Variants in PRP4K observed in about 807,000 individuals in gnomAD.
PRP4K encodes serine/threonine-protein kinase PRP4 homolog.
At chr6:4,032,307 A>G in the PRP4K span, 1 of 1,613,674 alleles carries the variant, frequency 6.2e-7, no homozygotes, top group Non-Finnish European at 8.5e-7. Flanking sequence ...TGATAAGGTT[A>G]AAATTGAAGA....
At chr6:4,026,393 C>T in the PRP4K span, among the ~76,000 whole-genome samples, 1 of 150,928 alleles carries the variant, frequency 6.6e-6, no homozygotes, top group Non-Finnish European at 1.5e-5. Flanking sequence ...GCCTTCGCCT[C>T]CCAGGTTCAA....
At chr6:4,059,709 G>A in the PRP4K span, among the ~76,000 whole-genome samples, 2 of 151,892 alleles carry the variant, frequency 1.3e-5, no homozygotes, top group Admixed American at 6.6e-5. Context: ...GCAATGGCAC[G>A]ATCTTGGCTC....
the PRP4K span, chr6:4,063,458 T>C: frequency 2.6e-5 from 4 of 152,182 alleles, no homozygotes; most frequent in East Asian, 7.7e-4. Context: ...AAAGTAGTCT[T>C]CAGCTTTAGG....
chr6:4,022,687 A>G, the PRP4K span, among the ~76,000 whole-genome samples: 1 of 152,206 alleles, frequency 6.6e-6, no homozygotes, highest in South Asian at 2.1e-4. Flanking sequence ...GGGCTTTTCA[A>G]AACTGCTGTA....
At chr6:4,048,754 T>C in the PRP4K span, among the ~76,000 whole-genome samples, 1 of 151,904 alleles carries the variant, frequency 6.6e-6, no homozygotes, top group Non-Finnish European at 1.5e-5. Flanking sequence ...TTTTTTAATT[T>C]TTAGTAGAGA....
the PRP4K span, among the ~76,000 whole-genome samples, chr6:4,048,680 G>A: frequency 7.3e-4 from 111 of 151,994 alleles, no homozygotes; most frequent in African/African-American, 2.6e-3. Context: ...CGATCTTCCT[G>A]CCTCAGCCTA....
chr6:4,032,434 G>T, the PRP4K span: 4 of 1,613,946 alleles, frequency 2.5e-6, no homozygotes, highest in Admixed American at 1.7e-5. Flanking sequence ...AAAGACAGAA[G>T]GTCACGGTCC....
At chr6:4,024,198 G>A in the PRP4K span, among the ~76,000 whole-genome samples, 2 of 152,164 alleles carry the variant, frequency 1.3e-5, no homozygotes, top group African/African-American at 4.8e-5. Flanking sequence ...TTTTGTAGAG[G>A]CAGAGTCTTC....
chr6:4,060,363 A>G, the PRP4K span: 3 of 1,510,082 alleles, frequency 2.0e-6, no homozygotes, highest in Admixed American at 1.8e-5. This position sits in a 1 kb window ranked among gnomAD's most constrained non-coding sequence, Gnocchi z 4.7. Flanking sequence ...TTTAAGTTGT[A>G]TATGCTTAGT....
At chr6:4,027,151 G>A in the PRP4K span, among the ~76,000 whole-genome samples, 1 of 152,118 alleles carries the variant, frequency 6.6e-6, no homozygotes, top group Non-Finnish European at 1.5e-5. Context: ...GACTTTTAAA[G>A]CATCTTAATC....
chr6:4,046,489 GGA>G, the PRP4K span, among the ~76,000 whole-genome samples: 1 of 151,996 alleles, frequency 6.6e-6, no homozygotes, highest in East Asian at 1.9e-4. Flanking sequence ...ACTTTTAAAG[GGA>G]GAGATACATA....
chr6:4,058,863 G>A, the PRP4K span: 17 of 1,371,474 alleles, frequency 1.2e-5, no homozygotes, highest in Non-Finnish European at 1.7e-5. Flanking sequence ...TGTTAACTGA[G>A]TACTAAATCA....
At chr6:4,034,821 TC>T in the PRP4K span, among the ~76,000 whole-genome samples, 31 of 151,838 alleles carry the variant, frequency 2.0e-4, no homozygotes, top group Non-Finnish European at 1.5e-5. Context: ...CAAGCGATTC[TC>T]CTGCCTCAGC....
At chr6:4,036,860 T>A in the PRP4K span, among the ~76,000 whole-genome samples, 1 of 151,542 alleles carries the variant, frequency 6.6e-6, no homozygotes, top group Non-Finnish European at 1.5e-5. Context: ...TGGCATGCCC[T>A]TATGGTTCCA....
the PRP4K span, chr6:4,037,496 C>T: frequency 1.2e-6 from 2 of 1,613,826 alleles, no homozygotes; most frequent in Non-Finnish European, 1.7e-6. Flanking sequence ...GTAGATCTCC[C>T]ATTAGAAGGA....
chr6:4,032,774 G>A, the PRP4K span: 3 of 1,532,856 alleles, frequency 2.0e-6, no homozygotes, highest in African/African-American at 1.4e-5. Flanking sequence ...TGTACAAAAT[G>A]TTAAAGCTTT....
At chr6:4,052,804 G>A in the PRP4K span, 1 of 1,609,988 alleles carries the variant, frequency 6.2e-7, no homozygotes, top group Non-Finnish European at 8.5e-7. Context: ...GTCAGCAGTT[G>A]TTCCTGGCAT....
the PRP4K span, among the ~76,000 whole-genome samples, chr6:4,024,711 T>C: frequency 1.3e-5 from 2 of 152,130 alleles, no homozygotes; most frequent in African/African-American, 4.8e-5. Context: ...CAAGTGATTC[T>C]CCTGTCTCTG....
chr6:4,058,900 C>A, the PRP4K span: 98 of 1,036,468 alleles, frequency 9.5e-5, no homozygotes, highest in South Asian at 1.3e-3. Context: ...AAAAAAAAAA[C>A]AAAAACCCAA....
Sources: gnomAD v4.1 joint callset for allele counts (sites outside exome capture counted in the v4.1 genomes callset) on GRCh38, gnomAD v4.1.1 for gene constraint, Gnocchi (gnomAD v3.1) non-coding constraint, MANE v1.5 for transcripts, NCBI Gene and HGNC (gene_info 2026-07-23, HGNC 2026-07-21) for gene names.